Variants in BCL11B observed in about 807,000 individuals in gnomAD.
BCL11B encodes BCL11 transcription factor B, also known as B-cell lymphoma/leukemia 11B.
Under a neutral mutation model 49.9 loss-of-function variants are expected in BCL11B, and 8 were observed. The observed-to-expected ratio is 0.16, with a 90% CI of 0.09 to 0.29. The LOEUF (loss-of-function observed/expected upper bound fraction) is 0.29, where lower values mean the gene tolerates loss of function less well. Ranked by LOEUF, BCL11B falls within the 10% of genes least tolerant of loss-of-function variation. BCL11B has a pLI of 1.00. For synonymous variants in BCL11B, 739 were observed against 637.4 expected, an observed-to-expected ratio of 1.16 and a Z score of -2.40; for missense variants, 1,006 against 1,351.0, an observed-to-expected ratio of 0.74 and a Z score of 4.00.
intron 1 of BCL11B, among the ~76,000 whole-genome samples, chr14:99,259,004 C>CT (rs1555384424): frequency 9.0e-6 from 1 of 111,074 alleles, no homozygotes; most frequent in South Asian, 4.4e-4. Flanking sequence ...GACTCGGCAG[C>CT]CAAAAGTGTC....
At position 99,195,714 on chromosome 14, in the gene BCL11B, C is replaced by T. The variant is rs181574520; in HGVS notation, c.641-19519G>A. On this transcript the variant is annotated intron_variant, in intron 3 of 3. Transcript: ENST00000357195. This position sits in a 1 kb window ranked among gnomAD's most constrained non-coding sequence, Gnocchi z 4.7. ...TAAGTAAGTTTCCTCGAGCTAGCACCCCACCCCCAAGGATAACAGGCCCCT... is the reference window on the plus strand; with the variant it reads ...TAAGTAAGTTTCCTCGAGCTAGCACTCCACCCCCAAGGATAACAGGCCCCT... Among the ~76,000 whole-genome samples, 201 of 152,170 alleles carry T rather than the reference C, an allele frequency of 1.3e-3. 1 individual carries two copies. Among genetic ancestry groups the T allele is most frequent in the Admixed American group, 0.011 (175 of 15,296 alleles).
chr14:99,255,579 A>C (rs2139948757), intron 2 of BCL11B, among the ~76,000 whole-genome samples: 1 of 152,326 alleles, frequency 6.6e-6, no homozygotes, highest in Middle Eastern at 3.4e-3. Flanking sequence ...CTTCAATGTG[A>C]AATGAGGATT....
chr14:99,193,620 T>TA (rs1887100496), intron 3 of BCL11B, among the ~76,000 whole-genome samples: 1 of 152,006 alleles, frequency 6.6e-6, no homozygotes, highest in Non-Finnish European at 1.5e-5. Context: ...GTTTCCCTTC[T>TA]AAAAAAATGA....
chr14:99,175,272 T>C lies in BCL11B; in HGVS notation c.1564A>G (p.Ser522Gly). ...AADGDFRHHE[S>G]DPSLGHEPEE... ...GGCTCGTGGCCCAGCGACGGGTCGC[T>C]CTCGTGGTGGCGGAAGTCACCGTCG... is the stretch of plus-strand genomic sequence containing the variant. The change falls in exon 4 of 4, where the codon AGC becomes GGC. Residue 522 changes from serine to glycine, a missense_variant. By Grantham distance (56) the Ser-to-Gly change is moderately conservative (BLOSUM62 0). Coordinates refer to ENST00000357195, the MANE Select transcript of BCL11B (RefSeq NM_138576.4). The C allele has an allele frequency of 1.9e-6, 3 of 1,541,122 alleles. No individual in the cohort carries two copies. The highest frequency in any genetic ancestry group is 1.4e-5 in the African/African-American group (1 of 73,068).
Position 99,173,864 on chromosome 14 carries a change from G to GA in BCL11B, c.*286dup, listed in dbSNP as rs1037926023. On this transcript the variant is annotated 3_prime_UTR_variant, in exon 4 of 4. Coordinates refer to ENST00000357195, the MANE Select transcript of BCL11B (RefSeq NM_138576.4). The stretch of plus-strand genomic sequence containing the variant: ...AAAATCTCTTAAAGGAATTCAAACA[G>GA]AAAAAATAATAATAAAAAGTACCTG... 2.1e-5 allele frequency: 9 copies of GA among 434,598 alleles called. No homozygotes were observed. Among genetic ancestry groups the GA allele is most frequent in the African/African-American group, 1.4e-4 (7 of 49,644 alleles). 26.9% of individuals were successfully genotyped at this position (434,598 alleles called of 1,614,324 possible).
At chr14:99,217,584 G>T (rs1887889840) in intron 3 of BCL11B, among the ~76,000 whole-genome samples, 1 of 152,190 alleles carries the variant, frequency 6.6e-6, no homozygotes, top group Non-Finnish European at 1.5e-5. Context: ...GACCCTGTCA[G>T]GTCCACCTTA....
Position 99,175,287 on chromosome 14 carries a change from A to C in BCL11B, c.1549T>G (p.Phe517Val). 6.5e-7 allele frequency: 1 copy of C among 1,540,526 alleles called. No individual in the cohort carries two copies. The highest frequency in any genetic ancestry group is 1.2e-5 in the South Asian group (1 of 84,776). The change falls in exon 4 of 4, where the codon TTC (phenylalanine) becomes GTC (valine). Residue 517 changes from phenylalanine (F) to valine (V), a missense_variant. Coordinates refer to ENST00000357195, the MANE Select transcript of BCL11B (RefSeq NM_138576.4). ...GACGGGTCGCTCTCGTGGTGGCGGA[A>C]GTCACCGTCGGCCGCCTTGAGGCCC... ...GEGLKAADGD[F>V]RHHESDPSLG...
At chr14:99,214,915 G>T (rs1887788691) in intron 3 of BCL11B, among the ~76,000 whole-genome samples, 1 of 152,082 alleles carries the variant, frequency 6.6e-6, no homozygotes, top group African/African-American at 2.4e-5. Context: ...CCATCTCCCG[G>T]CTGAAGAACT....
At chr14:99,269,575 A>G (rs1264884100) in intron 1 of BCL11B, among the ~76,000 whole-genome samples, 1 of 150,048 alleles carries the variant, frequency 6.7e-6, no homozygotes, top group Non-Finnish European at 1.5e-5. Flanking sequence ...TATCTGCTGT[A>G]ACAAAGGAGA....
rs1300145603 is a variant in BCL11B, at chr14:99,171,232, A to G, written c.*2919T>C. ...CTGTGTAGGCCAATTCCGACAAAAA[A>G]TATATACAACTAAATGATTTGTGAA... On this transcript the variant is annotated 3_prime_UTR_variant, in exon 4 of 4. Coordinates refer to ENST00000357195, the MANE Select transcript of BCL11B (RefSeq NM_138576.4). 3.9e-5 allele frequency: 9 copies of G among 227,892 alleles called. No individual in the cohort carries two copies. In the East Asian group the frequency reaches 5.7e-4, roughly 14 times the overall value. The allele number at this position is 227,892 out of a possible 1,614,324, so 14.1% of individuals were successfully genotyped here.
intron 3 of BCL11B, among the ~76,000 whole-genome samples, chr14:99,223,587 ATT>A (rs1375685694): frequency 6.6e-6 from 1 of 152,158 alleles, no homozygotes. Flanking sequence ...TGTATGCCCC[ATT>A]TCCAGAAACA....
intron 3 of BCL11B, among the ~76,000 whole-genome samples, chr14:99,229,043 C>CATGGATGGATGG (rs1181779397): frequency 0.013 from 1,335 of 104,810 alleles, 32 homozygotes; most frequent in Admixed American, 0.038. Flanking sequence ...TGGATGGATG[C>CATGGATGGATGG]ATGGATGGAT....
rs1245622105 is a variant in BCL11B, at chr14:99,271,833, C to T, written c.-615G>A. 6.6e-6 allele frequency among the ~76,000 whole-genome samples: 1 copy of T among 152,138 alleles called. No individual in the cohort carries two copies. Among genetic ancestry groups the T allele is most frequent in the Non-Finnish European group, 1.5e-5 (1 of 68,012 alleles). ...GTCTCGTACCCCCTCACCCCGCCCC[C>T]TCAAAAAACCCAAAGCAATGTAAAA... On this transcript the variant is annotated 5_prime_UTR_variant, in exon 1 of 4. Coordinates refer to ENST00000357195, the MANE Select transcript of BCL11B (RefSeq NM_138576.4).
At chr14:99,208,492 G>A (rs969129956) in intron 3 of BCL11B, among the ~76,000 whole-genome samples, 4 of 152,176 alleles carry the variant, frequency 2.6e-5, no homozygotes, top group African/African-American at 9.7e-5. Context: ...GCTTTCCCGA[G>A]GTCTCCTGAA....
In BCL11B at chr14:99,241,484, A is replaced by G. The variant is rs2139916076; in HGVS notation, c.428-9927T>C. Among the ~76,000 whole-genome samples the G allele has an allele frequency of 6.6e-6, 1 of 152,252 alleles. No homozygotes were observed. Among genetic ancestry groups the G allele is most frequent in the African/African-American group, 2.4e-5 (1 of 41,532 alleles). On this transcript the variant is annotated intron_variant, in intron 2 of 3. Coordinates refer to ENST00000357195, the MANE Select transcript of BCL11B (RefSeq NM_138576.4). The surrounding 1 kb of genome is among the most constrained non-coding windows in gnomAD (Gnocchi z 4.4). ...AAAACCCAAAAGAAAAAGAAAAAAA[A>G]AAATCTTCGCACCACATCACCAAAA...
At position 99,231,985 on chromosome 14, in the gene BCL11B, C is replaced by A. The variant is rs1387349683; in HGVS notation, c.428-428G>T. On this transcript the variant is annotated intron_variant, in intron 2 of 3. Transcript: ENST00000357195. This position sits in a 1 kb window ranked among gnomAD's most constrained non-coding sequence, Gnocchi z 8.1. ...CTGGAAGAGCTGGGAAGCTCACAGC[C>A]TCCCCTGTTTGCTGTATCAGGATGG... Among the ~76,000 whole-genome samples, 1 of 152,116 alleles carries A rather than the reference C, an allele frequency of 6.6e-6. No individual in the cohort carries two copies. The highest frequency in any genetic ancestry group is 1.5e-5 in the Non-Finnish European group (1 of 67,980).
In BCL11B at chr14:99,265,516, G is replaced by A. The variant is rs530182476; in HGVS notation, c.58+5645C>T. Among the ~76,000 whole-genome samples the A allele has an allele frequency of 3.3e-5, 5 of 152,076 alleles. No individual in the cohort carries two copies. In the East Asian group the frequency reaches 9.7e-4, roughly 29 times the overall value. On this transcript the variant is annotated intron_variant, in intron 1 of 3. Coordinates refer to ENST00000357195, the MANE Select transcript of BCL11B (RefSeq NM_138576.4). ...CTGCATTGTCTTATCTATGATCTGT[G>A]TTTAGTTACAGCTTGTGAAACTCCC...
chr14:99,264,621 G>GA (rs1243151585), intron 1 of BCL11B: 2 of 151,796 alleles, frequency 1.3e-5, no homozygotes, highest in Non-Finnish European at 2.9e-5. Context: ...ACAAGAAAAA[G>GA]AAAAAAGAAT....
rs1471152667 is a variant in BCL11B, at chr14:99,172,399, A to T, written c.*1752T>A. On this transcript the variant is annotated 3_prime_UTR_variant, in exon 4 of 4. Transcript: ENST00000357195. The stretch of plus-strand genomic sequence containing the variant: ...TTCATATCCTCTATCTTCAACCAGA[A>T]TTTTTTTTTTTTTTACTTAAAGTAA... 2.5e-5 allele frequency: 5 copies of T among 197,922 alleles called. No homozygotes were observed. Among genetic ancestry groups the T allele is most frequent in the Middle Eastern group, 1.7e-3 (1 of 598 alleles). The allele number at this position is 197,922 out of a possible 1,614,324, so 12.3% of individuals were successfully genotyped here.
Sources: allele counts gnomAD v4.1 joint callset (sites outside exome capture counted in the v4.1 genomes callset), GRCh38; gene constraint gnomAD v4.1.1; non-coding constraint Gnocchi (gnomAD v3.1); transcripts MANE v1.5; gene names NCBI Gene and HGNC (gene_info 2026-07-23, HGNC 2026-07-21).